The following TTN variants were observed in gnomAD, a reference collection of about 807,000 sequenced individuals.
TTN encodes connectin.
TTN carries 1,525 observed loss-of-function variants against 3,223.0 expected under a neutral mutation model. The ratio of observed to expected loss-of-function variants is 0.47; its 90% CI spans 0.45 to 0.49. TTN has a LOEUF of 0.49. Among genes scored for constraint, TTN ranks in the 20% least tolerant of loss-of-function variants. The probability of loss-of-function intolerance (pLI) is 0.00; values close to 1 mark genes in which losing one functional copy is unlikely to be tolerated. For synonymous variants in TTN, 14,094 were observed against 15,161.0 expected (o/e 0.93, Z 5.17); for missense variants, 40,786 against 43,424.0 (o/e 0.94, Z 5.40).
In TTN at chr2:178,561,744, A is replaced by G; in HGVS notation, c.84388T>C (p.Cys28130Arg). 1 of 1,613,180 alleles carries G rather than the reference A, an allele frequency of 6.2e-7. No individual in the cohort carries two copies. Among genetic ancestry groups the G allele is most frequent in the Non-Finnish European group, 8.5e-7 (1 of 1,179,442 alleles). ...CTCTTTCCATAGCGGTTTTCTGCAC[A>G]AACACGGAACTGATACTCACTTCCT... is the stretch of plus-strand genomic sequence containing the variant. The part of the protein sequence containing the change: ...TTGSEYQFRV[C>R]AENRYGKSSY... Residue 28130 changes from cysteine (C) to arginine (R), a missense_variant, in exon 326 of 363, where the codon TGT (cysteine) becomes CGT (arginine). Transcript: ENST00000589042.
rs774439701 is a variant in TTN at position 178,608,704 on chromosome 2, A to G, written c.52307T>C (p.Ile17436Thr). The G allele has an allele frequency of 8.7e-6, 14 of 1,612,430 alleles. No individual in the cohort carries two copies. Among genetic ancestry groups the G allele is most frequent in the South Asian group, 7.7e-5 (7 of 91,026 alleles). The change falls in exon 274 of 363, where the codon ATT becomes ACT. Residue 17436 changes from isoleucine (I) to threonine (T), a missense_variant. Physicochemically the swap from Ile to Thr is moderately conservative, Grantham distance 89 (BLOSUM62 -1). Coordinates refer to ENST00000589042, the MANE Select transcript of TTN (RefSeq NM_001267550.2). ...RHCKYSVTKL[I>T]EGKEYLFRVR... ...ACGGAAGAGGTACTCTTTTCCTTCAATCAGTTTTGTTACTGAATATTTGCA... is the reference window on the plus strand; with the variant it reads ...ACGGAAGAGGTACTCTTTTCCTTCAGTCAGTTTTGTTACTGAATATTTGCA...
rs142232994 is a variant in TTN at position 178,692,350 on chromosome 2, C to T, written c.31678+147G>A. ...AAATGTTACCAATACTTGTATAACA[C>T]ATCACCACAAATAAATGAAATCAAT... On this transcript the variant is annotated intron_variant, in intron 120 of 362. Transcript: ENST00000589042. 2.6e-3 allele frequency: 2,361 copies of T among 905,482 alleles called. 43 individuals carry two copies. The highest frequency in any genetic ancestry group is 0.021 in the South Asian group (1,375 of 64,774). The allele number at this position is 905,482 out of a possible 1,614,324, so 56.1% of individuals were successfully genotyped here. A position where few individuals can be genotyped will look rare whatever the true frequency, so the allele number is the denominator to read the frequency against.
Position 178,651,646 on chromosome 2 carries a change from T to G in TTN, c.39463+20A>C. ...TCAAAGAAAGTTTTTTGTTAGGGAG[T>G]TAGTGGCAGTGAGGAATACCTTTCA... On this transcript the variant is annotated intron_variant, in intron 206 of 362. Coordinates refer to ENST00000589042, the MANE Select transcript of TTN (RefSeq NM_001267550.2). 6.2e-7 allele frequency: 1 copy of G among 1,612,676 alleles called. No homozygotes were observed. Among genetic ancestry groups the G allele is most frequent in the East Asian group, 2.2e-5 (1 of 44,736 alleles).
intron 98 of TTN, 22 bp downstream of exon 98, chr2:178,710,613 C>T (rs556242466): frequency 6.3e-7 from 1 of 1,586,876 alleles, no homozygotes; most frequent in South Asian, 1.1e-5. Context: ...TTTTGTTGGA[C>T]CACTTGCAAA....
intron 354 of TTN, chr2:178,538,190 A>G: frequency 2.1e-6 from 1 of 486,626 alleles, no homozygotes; most frequent in Non-Finnish European, 3.6e-6. Context: ...GGGACTGTAA[A>G]TTCTCTCTAT....
Position 178,789,366 on chromosome 2 carries a change from A to C in TTN, c.2070T>G (p.His690Gln). Residue 690 changes from histidine (H) to glutamine (Q), a missense_variant, in exon 13 of 363, where the codon CAT becomes CAG. By Grantham distance (24) the His-to-Gln change is conservative. Coordinates refer to ENST00000589042, the MANE Select transcript of TTN (RefSeq NM_001267550.2). The stretch of plus-strand genomic sequence containing the variant: ...TTGGAACAACAATAGTCACCTTTCC[A>C]TGGGTAACTTGGATTTGTTCTTGTC... ...ATRQEQIQVT[H>Q]GKVDVGKKAE... 1 of 1,613,266 alleles carries C rather than the reference A, an allele frequency of 6.2e-7. No individual in the cohort carries two copies. Among genetic ancestry groups the C allele is most frequent in the Middle Eastern group, 1.7e-4 (1 of 6,048 alleles).
rs191113431 is a variant in TTN at position 178,684,467 on chromosome 2, A to G, written c.32639-54T>C. 7 of 1,555,356 alleles carry G rather than the reference A, an allele frequency of 4.5e-6. No homozygotes were observed. The East Asian group carries it at 1.6e-4, about 35-fold the overall frequency. On this transcript the variant is annotated intron_variant, in intron 131 of 362. Coordinates refer to ENST00000589042, the MANE Select transcript of TTN (RefSeq NM_001267550.2). ...TTATATCAAAGTGGACGTAAAAAAT[A>G]TACTAGCCAGAAAGTACTGTGATTT...
At chr2:178,585,417 G>A in intron 308 of TTN, 70 bp from the exon 309 acceptor site, 1 of 1,480,418 alleles carries the variant, frequency 6.8e-7, no homozygotes, top group Admixed American at 2.3e-5. Context: ...GAGCTATACT[G>A]GTGCAAATTA....
Position 178,734,655 on chromosome 2 carries a change from A to G in TTN, c.15218-49T>C, listed in dbSNP as rs187456380. The G allele has an allele frequency of 5.1e-6, 8 of 1,566,684 alleles. No homozygotes were observed. In the Admixed American group the frequency reaches 9.2e-5, roughly 18 times the overall value. ...GTAAGTAATGGGTAATAAGTAATTAAAAGGGAAATCTTTTCTCAGAAAAAT... is the reference window on the plus strand; with the variant it reads ...GTAAGTAATGGGTAATAAGTAATTAGAAGGGAAATCTTTTCTCAGAAAAAT... On this transcript the variant is annotated intron_variant, in intron 51 of 362. Transcript: ENST00000589042.
At chr2:178,748,426 G>T in intron 47 of TTN, 1 of 1,613,154 alleles carries the variant, frequency 6.2e-7, no homozygotes, top group Admixed American at 1.7e-5. Context: ...TATTGTGTGT[G>T]TCAGGTTGTA....
chr2:178,619,983 T>C lies in TTN; in HGVS notation c.46429+5A>G. The C allele has an allele frequency of 6.2e-7, 1 of 1,607,944 alleles. No individual in the cohort carries two copies. The highest frequency in any genetic ancestry group is 8.5e-7 in the Non-Finnish European group (1 of 1,177,794). ...ATTAGAATTGTTTTTTCACTTAATA[T>C]GTACCTTCCACAAAAAGTCTAGCAC... On this transcript the variant is annotated splice_donor_5th_base_variant and intron_variant, in intron 249 of 362. Coordinates refer to ENST00000589042, the MANE Select transcript of TTN (RefSeq NM_001267550.2).
chr2:178,627,801 A>G (rs1262820374), intron 240 of TTN, among the ~76,000 whole-genome samples: 1 of 152,070 alleles, frequency 6.6e-6, no homozygotes, highest in Non-Finnish European at 1.5e-5. Flanking sequence ...TTTGGTAATG[A>G]AAAAATAATA....
chr2:178,568,834 T>C lies in TTN; in HGVS notation c.77298A>G (p.Glu25766=), dbSNP rs1575713601. The part of the protein sequence containing the change: ...AVITNLTQGE[E]YLFRVVAVNE... ...TTACAGCAACAACTCTAAAAAGATATTCTTCCCCTTGAGTTAGGTTGGTAA... is the reference window on the plus strand; with the variant it reads ...TTACAGCAACAACTCTAAAAAGATACTCTTCCCCTTGAGTTAGGTTGGTAA... The change falls in exon 326 of 363, where the codon GAA becomes GAG. Residue 25766 remains glutamate (E), a synonymous_variant. Coordinates refer to ENST00000589042, the MANE Select transcript of TTN (RefSeq NM_001267550.2). 1 of 1,613,212 alleles carries C rather than the reference T, an allele frequency of 6.2e-7. No homozygotes were observed. Among genetic ancestry groups the C allele is most frequent in the Non-Finnish European group, 8.5e-7 (1 of 1,179,578 alleles).
chr2:178,592,688 A>G (rs750270250), intron 300 of TTN, 28 bp from the exon 301 acceptor site: 2 of 1,611,886 alleles, frequency 1.2e-6, no homozygotes, highest in South Asian at 2.2e-5. Flanking sequence ...GAACACTCAG[A>G]TTTGATCCAT....
At chr2:178,660,593 A>G (rs1215955023) in intron 180 of TTN, among the ~76,000 whole-genome samples, 7 of 147,112 alleles carry the variant, frequency 4.8e-5, no homozygotes, top group African/African-American at 1.7e-4. Flanking sequence ...AAACCTAGGC[A>G]ATACCATTCA....
Position 178,543,291 on chromosome 2 carries a change from A to C in TTN, c.96682T>G (p.Tyr32228Asp). The C allele has an allele frequency of 6.2e-7, 1 of 1,613,780 alleles. No individual in the cohort carries two copies. The highest frequency in any genetic ancestry group is 8.5e-7 in the Non-Finnish European group (1 of 1,179,776). ...CCAGTGAGTCGGCTACCACCATCGT[A>C]GAGTGGTTTTTCCCAGGCAAGGGTA... The part of the protein sequence containing the change: ...TVTLAWEKPL[Y>D]DGGSRLTGYV... The change falls in exon 347 of 363, where the codon TAC becomes GAC. Residue 32228 changes from tyrosine (Y) to aspartate (D), a missense_variant. Physicochemically the swap from Tyr to Asp is radical, Grantham distance 160 (BLOSUM62 -3). Coordinates refer to ENST00000589042, the MANE Select transcript of TTN (RefSeq NM_001267550.2).
Position 178,601,729 on chromosome 2 carries a change from G to C in TTN, c.55361C>G (p.Thr18454Arg). Residue 18454 changes from threonine to arginine, a missense_variant, in exon 286 of 363, where the codon ACA (threonine) becomes AGA (arginine). Transcript: ENST00000589042. ...IIIPECKRSH[T>R]GKYSITAKNK... ...CTTGGCTGTGATGCTGTATTTGCCT[G>C]TATGAGATCGTTTACACTCCGGAAT... 1 of 1,609,874 alleles carries C rather than the reference G, an allele frequency of 6.2e-7. No individual in the cohort carries two copies. The highest frequency in any genetic ancestry group is 8.5e-7 in the Non-Finnish European group (1 of 1,178,614).
In TTN at chr2:178,535,443, G is replaced by A. The variant is rs1441942873; in HGVS notation, c.101172C>T (p.Tyr33724=). 1 of 1,613,794 alleles carries A rather than the reference G, an allele frequency of 6.2e-7. No individual in the cohort carries two copies. Among genetic ancestry groups the A allele is most frequent in the African/African-American group, 1.3e-5 (1 of 74,932 alleles). Residue 33724 remains tyrosine (Y), a synonymous_variant, in exon 358 of 363, where the codon TAC becomes TAT. Transcript: ENST00000589042. ...ASDGGSKITN[Y]IVEKCATTAE... is the part of the protein sequence containing the mutation. ...CAGTAGTTGCACATTTTTCAACAATGTAGTTGGTGATTTTGCTGCCACCAT... is the reference window on the plus strand; with the variant it reads ...CAGTAGTTGCACATTTTTCAACAATATAGTTGGTGATTTTGCTGCCACCAT...
chr2:178,679,490 T>C, intron 141 of TTN, 74 bp from the exon 142 acceptor site: 1 of 1,591,190 alleles, frequency 6.3e-7, no homozygotes, highest in Non-Finnish European at 8.6e-7. Context: ...AGCTAATGTT[T>C]TTTAACAACG....
Sources: gnomAD v4.1 joint callset for allele counts (sites outside exome capture counted in the v4.1 genomes callset) on GRCh38, gnomAD v4.1.1 for gene constraint, MANE v1.5 for transcripts, NCBI Gene and HGNC (gene_info 2026-07-23, HGNC 2026-07-21) for gene names.